The following PTPRT variants were observed in gnomAD, a reference collection of about 807,000 sequenced individuals.
PTPRT encodes protein tyrosine phosphatase receptor type T.
In PTPRT, 56 loss-of-function variants were observed where a neutral mutation model predicts 176.8. That is an observed-to-expected ratio of 0.32 (90% CI 0.26 to 0.40). PTPRT has a LOEUF of 0.40. PTPRT is among the 10% of genes least tolerant of loss of function. PTPRT has a pLI of 1.00. For synonymous variants in PTPRT, 783 were observed against 739.0 expected (o/e 1.06, Z -0.96); for missense variants, 1,540 against 1,908.2 (o/e 0.81, Z 3.60).
chr20:42,521,494 G>A (rs2072176087), intron 7 of PTPRT, among the ~76,000 whole-genome samples: 1 of 152,054 alleles, frequency 6.6e-6, no homozygotes, highest in Non-Finnish European at 1.5e-5. Flanking sequence ...CAATATTCCT[G>A]CATCTTTAAT....
chr20:42,292,241 A>C (rs1490091426), intron 12 of PTPRT, among the ~76,000 whole-genome samples: 1 of 151,898 alleles, frequency 6.6e-6, no homozygotes, highest in African/African-American at 2.4e-5. Context: ...CCCTTAAGCT[A>C]TTGTTTAGCC....
the PTPRT span, among the ~76,000 whole-genome samples, chr20:42,047,312 T>C: frequency 6.6e-6 from 1 of 152,262 alleles, no homozygotes; most frequent in South Asian, 2.1e-4. Context: ...GTTTAGCAAA[T>C]AGGCTAAATT....
intron 17 of PTPRT, among the ~76,000 whole-genome samples, chr20:42,148,342 T>C (rs1187300451): frequency 6.6e-6 from 1 of 151,256 alleles, no homozygotes; most frequent in African/African-American, 2.4e-5. Flanking sequence ...GTGGTATTTA[T>C]AGAATCCTCA....
rs200831045 is a variant in PTPRT at position 42,791,374 on chromosome 20, T to A, written c.307A>T (p.Ile103Phe). 1 of 1,614,114 alleles carries A rather than the reference T, an allele frequency of 6.2e-7. No homozygotes were observed. Among genetic ancestry groups the A allele is most frequent in the Non-Finnish European group, 8.5e-7 (1 of 1,180,034 alleles). The change falls in exon 3 of 31, where the codon ATC becomes TTC. Residue 103 changes from isoleucine to phenylalanine, a missense_variant. Physicochemically the swap from Ile to Phe is conservative, Grantham distance 21 (BLOSUM62 0). Around this residue, in one of 11 missense-constraint regions of PTPRT, gnomAD observed 273 missense variants for 432.1 expected, o/e 0.63. Transcript: ENST00000373187. ...PTLKENDTHC[I>F]DFHYYFSSRD... The stretch of plus-strand genomic sequence containing the variant: ...CTGGAGAAGTAGTAATGGAAGTCGA[T>A]GCAGTGGGTGTCATTCTCCTTCAGG...
chr20:42,895,070 G>C (rs1600530698), intron 1 of PTPRT, among the ~76,000 whole-genome samples: 1 of 152,284 alleles, frequency 6.6e-6, no homozygotes, highest in East Asian at 1.9e-4. Context: ...TAACTGGGGG[G>C]TTGTTAAACT....
intron 1 of PTPRT, among the ~76,000 whole-genome samples, chr20:42,896,221 C>A (rs1001462618): frequency 1.3e-5 from 2 of 152,158 alleles, no homozygotes; most frequent in Non-Finnish European, 2.9e-5. Context: ...AGACTCCAAT[C>A]ATGGGTTTGT....
At chr20:42,045,707 GA>G in the PTPRT span, among the ~76,000 whole-genome samples, 3 of 151,946 alleles carry the variant, frequency 2.0e-5, no homozygotes, top group Non-Finnish European at 4.4e-5. Context: ...TACAGATGAG[GA>G]AACTGAGACT....
rs879519310 is a variant in PTPRT at position 42,941,991 on chromosome 20, TA to T, written c.89-56060del. ...ACAATTGAGAAGTCATTCCTCCCAT[TA>T]AAAAAAAAAAGCAAAATGCAACTCT... On this transcript the variant is annotated intron_variant, in intron 1 of 30. Transcript: ENST00000373187. Among the ~76,000 whole-genome samples the T allele has an allele frequency of 1.3e-3, 180 of 141,016 alleles. 1 individual carries two copies. Among genetic ancestry groups the T allele is most frequent in the Middle Eastern group, 7.4e-3 (2 of 272 alleles). 92.5% of individuals were successfully genotyped at this position (141,016 alleles called of 152,430 possible).
chr20:43,071,326 G>A (rs1410534800), intron 1 of PTPRT, among the ~76,000 whole-genome samples: 1 of 152,216 alleles, frequency 6.6e-6, no homozygotes, highest in East Asian at 1.9e-4. Flanking sequence ...TTCTGGATTG[G>A]AAACTCTGGG....
Position 42,815,398 on chromosome 20 carries a change from C to G in PTPRT, c.215-23932G>C, listed in dbSNP as rs375855584. Reference sequence around the variant, plus strand: ...TTAAAGCTAAAGGGATTGCCAACACCAAGGATGGAGGCAAAGCTCAAACCA... The same window carrying G: ...TTAAAGCTAAAGGGATTGCCAACACGAAGGATGGAGGCAAAGCTCAAACCA... On this transcript the variant is annotated intron_variant, in intron 2 of 30. Transcript: ENST00000373187. Among the ~76,000 whole-genome samples, 13 of 152,210 alleles carry G rather than the reference C, an allele frequency of 8.5e-5. No individual in the cohort carries two copies. The East Asian group carries it at 1.2e-3, about 14-fold the overall frequency.
chr20:42,147,313 T>C (rs1463808033), intron 17 of PTPRT, among the ~76,000 whole-genome samples: 1 of 152,348 alleles, frequency 6.6e-6, no homozygotes, highest in East Asian at 1.9e-4. Flanking sequence ...AATTGCCTAG[T>C]TGTGTTCCCA....
At chr20:42,641,585 CA>C (rs1385567371) in intron 7 of PTPRT, among the ~76,000 whole-genome samples, 2 of 152,170 alleles carry the variant, frequency 1.3e-5, no homozygotes, top group East Asian at 1.9e-4. Flanking sequence ...GTGATCCACA[CA>C]AACACTGTGA....
At chr20:42,416,394 C>T (rs2059066233) in intron 9 of PTPRT, among the ~76,000 whole-genome samples, 1 of 152,180 alleles carries the variant, frequency 6.6e-6, no homozygotes, top group Non-Finnish European at 1.5e-5. Context: ...TAAATCTCTG[C>T]TGTTTGAAGC....
intron 7 of PTPRT, among the ~76,000 whole-genome samples, chr20:42,642,119 C>A (rs1176348786): frequency 2.0e-5 from 3 of 152,140 alleles, no homozygotes; most frequent in Non-Finnish European, 2.9e-5. Flanking sequence ...CCTGGGGAGA[C>A]AAGTGAGTGC....
At chr20:42,114,349 A>G (rs1276622866) in intron 22 of PTPRT, among the ~76,000 whole-genome samples, 1 of 152,244 alleles carries the variant, frequency 6.6e-6, no homozygotes, top group African/African-American at 2.4e-5. Context: ...GAGTTACTCT[A>G]CGCAAAGCAT....
intron 9 of PTPRT, among the ~76,000 whole-genome samples, chr20:42,439,056 A>ACCTGTCAGCTTC (rs1340987764): frequency 1.3e-5 from 2 of 152,166 alleles, no homozygotes; most frequent in East Asian, 3.9e-4. Flanking sequence ...CTACTGAAAC[A>ACCTGTCAGCTTC]CCTGTCAGCT....
chr20:42,205,359 G>C (rs2055428912), intron 15 of PTPRT, among the ~76,000 whole-genome samples: 1 of 152,146 alleles, frequency 6.6e-6, no homozygotes, highest in African/African-American at 2.4e-5. Context: ...TAATTTGTTG[G>C]ACAAATAGTT....
intron 6 of PTPRT, among the ~76,000 whole-genome samples, chr20:42,719,433 C>T (rs2076274058): frequency 6.6e-6 from 1 of 152,148 alleles, no homozygotes; most frequent in Non-Finnish European, 1.5e-5. Flanking sequence ...GTTATGGAAG[C>T]CCAGTCCTGA....
At chr20:42,518,476 T>C (rs2072109917) in intron 7 of PTPRT, among the ~76,000 whole-genome samples, 1 of 152,092 alleles carries the variant, frequency 6.6e-6, no homozygotes, top group African/African-American at 2.4e-5. Flanking sequence ...ATTTAGGTAT[T>C]CCTTTTTGTG....
Sources: allele counts gnomAD v4.1 joint callset (sites outside exome capture counted in the v4.1 genomes callset), GRCh38; gene constraint gnomAD v4.1.1; regional missense constraint gnomAD v4.1.1; transcripts MANE v1.5; gene names NCBI Gene and HGNC (gene_info 2026-07-23, HGNC 2026-07-21).